ETV6: variants seen among roughly 807,000 people sequenced by gnomAD.
The protein encoded by ETV6 is transcription factor ETV6.
A neutral mutation model predicts 51.1 loss-of-function variants in ETV6; 16 were observed. The ratio of observed to expected loss-of-function variants is 0.31; its 90% CI spans 0.21 to 0.48. The LOEUF (loss-of-function observed/expected upper bound fraction) is 0.48. Ranked by LOEUF, ETV6 falls within the 20% of genes least tolerant of loss-of-function variation. ETV6 has a pLI of 0.99. For missense variants in ETV6, 458 were observed against 594.8 expected, an observed-to-expected ratio of 0.77 and a Z score of 2.39; for synonymous variants, 240 against 224.1, an observed-to-expected ratio of 1.07 and a Z score of -0.64.
chr12:11,841,858 G>A (rs982735177), intron 3 of ETV6, among the ~76,000 whole-genome samples: 6 of 152,026 alleles, frequency 3.9e-5, no homozygotes, highest in Non-Finnish European at 7.4e-5. Flanking sequence ...CGAGGCGGGC[G>A]GATCACGAGG....
At chr12:11,739,468 A>T (rs185177418) in intron 1 of ETV6, among the ~76,000 whole-genome samples, 2 of 152,326 alleles carry the variant, frequency 1.3e-5, no homozygotes, top group Non-Finnish European at 2.9e-5. Context: ...AATTTTAATT[A>T]AAAAACACAG....
At chr12:11,674,158 C>A (rs1183906574) in intron 1 of ETV6, among the ~76,000 whole-genome samples, 1 of 152,116 alleles carries the variant, frequency 6.6e-6, no homozygotes, top group Non-Finnish European at 1.5e-5. Flanking sequence ...GCAGTGTGCT[C>A]GCGTGGCCAG....
At chr12:11,728,327 G>A (rs1865528930) in intron 1 of ETV6, among the ~76,000 whole-genome samples, 1 of 152,212 alleles carries the variant, frequency 6.6e-6, no homozygotes. Flanking sequence ...CCGCAGACTA[G>A]TACTGTCCGT....
chr12:11,669,059 C>T (rs931013864), intron 1 of ETV6, among the ~76,000 whole-genome samples: 1 of 152,230 alleles, frequency 6.6e-6, no homozygotes, highest in Non-Finnish European at 1.5e-5. Flanking sequence ...CCCGCATGCA[C>T]ATGCACACAT....
intron 4 of ETV6, among the ~76,000 whole-genome samples, chr12:11,856,670 C>T (rs1407367423): frequency 6.6e-6 from 1 of 152,014 alleles, no homozygotes; most frequent in African/African-American, 2.4e-5. Flanking sequence ...CCAGCTACTT[C>T]CTCTCTCTCT....
chr12:11,665,664 G>C (rs948783668), intron 1 of ETV6, among the ~76,000 whole-genome samples: 2 of 152,194 alleles, frequency 1.3e-5, no homozygotes, highest in East Asian at 3.8e-4. Flanking sequence ...TGATATGTAA[G>C]ATAAAGACCT....
chr12:11,791,896 A>C (rs904890496), intron 2 of ETV6, among the ~76,000 whole-genome samples: 3 of 152,134 alleles, frequency 2.0e-5, no homozygotes, highest in Non-Finnish European at 4.4e-5. Context: ...CCTTGGGCCT[A>C]CTAATCTTCA....
At chr12:11,846,387 A>T (rs1358275015) in intron 3 of ETV6, among the ~76,000 whole-genome samples, 1 of 152,224 alleles carries the variant, frequency 6.6e-6, no homozygotes, top group Non-Finnish European at 1.5e-5. Context: ...AGATTTTAAC[A>T]ATGTTAGGGT....
At chr12:11,799,827 A>C (rs1364468361) in intron 2 of ETV6, among the ~76,000 whole-genome samples, 2 of 152,138 alleles carry the variant, frequency 1.3e-5, no homozygotes, top group Non-Finnish European at 2.9e-5. Context: ...GTACAGTGGC[A>C]TGATCACTGC....
intron 3 of ETV6, among the ~76,000 whole-genome samples, chr12:11,841,281 G>A (rs909781703): frequency 6.6e-6 from 1 of 152,194 alleles, no homozygotes; most frequent in Admixed American, 6.5e-5. Flanking sequence ...TGTGGAAGAT[G>A]GTGCTGCTCT....
intron 1 of ETV6, among the ~76,000 whole-genome samples, chr12:11,686,833 A>G (rs535686685): frequency 6.6e-6 from 1 of 152,030 alleles, no homozygotes; most frequent in Non-Finnish European, 1.5e-5. Context: ...ATGACTTTCA[A>G]TGCTCTGTTG....
chr12:11,824,175 G>A (rs549990271), intron 2 of ETV6, among the ~76,000 whole-genome samples: 15 of 152,266 alleles, frequency 9.9e-5, no homozygotes, highest in African/African-American at 3.6e-4. Context: ...GAATCCCCAC[G>A]GAAGAGCAGA....
intron 2 of ETV6, among the ~76,000 whole-genome samples, chr12:11,803,172 T>C (rs965370198): frequency 6.6e-6 from 1 of 152,202 alleles, no homozygotes; most frequent in African/African-American, 2.4e-5. Flanking sequence ...TTTGCTTTGT[T>C]TATAGTAAAT....
chr12:11,701,442 C>T (rs188097493), intron 1 of ETV6, among the ~76,000 whole-genome samples: 19 of 152,306 alleles, frequency 1.2e-4, no homozygotes, highest in African/African-American at 4.6e-4. Flanking sequence ...CATGTTGTAG[C>T]ATGTGTCAGA....
At chr12:11,874,496 A>ACGTGTGTGCGCGTGTG (rs1491493468) in intron 5 of ETV6, among the ~76,000 whole-genome samples, 1 of 7,776 alleles carries the variant, frequency 1.3e-4, no homozygotes. Flanking sequence ...GTGTACACAC[A>ACGTGTGTGCGCGTGTG]TATGTGTATG....
At chr12:11,705,501 G>C (rs1244755751) in intron 1 of ETV6, among the ~76,000 whole-genome samples, 1 of 152,170 alleles carries the variant, frequency 6.6e-6, no homozygotes, top group African/African-American at 2.4e-5. Flanking sequence ...AACTGCTTTG[G>C]ACTGTTCGAC....
At chr12:11,780,713 T>C (rs1367742320) in intron 2 of ETV6, among the ~76,000 whole-genome samples, 3 of 152,200 alleles carry the variant, frequency 2.0e-5, no homozygotes, top group African/African-American at 7.2e-5. Flanking sequence ...GGCAAGTGCA[T>C]CTAATTGGCT....
intron 1 of ETV6, among the ~76,000 whole-genome samples, chr12:11,680,268 A>T (rs1361512673): frequency 2.0e-5 from 3 of 152,238 alleles, no homozygotes; most frequent in Non-Finnish European, 4.4e-5. Context: ...GGGGGCAGGC[A>T]GTATATTTTA....
At chr12:11,661,072 C>T (rs1174210054) in intron 1 of ETV6, among the ~76,000 whole-genome samples, 1 of 152,192 alleles carries the variant, frequency 6.6e-6, no homozygotes, top group African/African-American at 2.4e-5. Context: ...TCACCGTAAC[C>T]TCAAAGTCCT....
Sources: allele counts gnomAD v4.1 joint callset (sites outside exome capture counted in the v4.1 genomes callset), GRCh38; gene constraint gnomAD v4.1.1; transcripts MANE v1.5; gene names NCBI Gene and HGNC (gene_info 2026-07-23, HGNC 2026-07-21).